ADARB2: variants seen among roughly 807,000 people sequenced by gnomAD.
ADARB2 encodes the protein inactive double-stranded RNA-specific editase B2.
In ADARB2, 25 loss-of-function variants were observed where a neutral mutation model predicts 62.2. That is an observed-to-expected ratio of 0.40 (90% CI 0.29 to 0.56). The LOEUF is 0.56. Ranked by LOEUF, ADARB2 falls within the 20% of genes least tolerant of loss-of-function variation. ADARB2 has a pLI of 0.43. For synonymous variants in ADARB2, 572 were observed against 500.8 expected (o/e 1.14, Z -1.90); for missense variants, 1,071 against 1,077.4 (o/e 0.99, Z 0.08).
At chr10:1,387,324 A>G (rs1346539374) in intron 1 of ADARB2, among the ~76,000 whole-genome samples, 1 of 151,934 alleles carries the variant, frequency 6.6e-6, no homozygotes, top group Non-Finnish European at 1.5e-5. Flanking sequence ...GAAGCAAAAA[A>G]ATTGGCTCCT....
chr10:1,258,752 T>G (rs568466849), intron 4 of ADARB2, among the ~76,000 whole-genome samples: 1 of 152,264 alleles, frequency 6.6e-6, no homozygotes, highest in African/African-American at 2.4e-5. Context: ...AGACATAAAG[T>G]TAACAAGGAT....
intron 1 of ADARB2, among the ~76,000 whole-genome samples, chr10:1,435,405 A>G (rs540603037): frequency 1.4e-4 from 22 of 152,248 alleles, no homozygotes; most frequent in Non-Finnish European, 2.2e-4. Context: ...AAAAGACAGG[A>G]CCATTAACTC....
chr10:1,362,466 G>A (rs1832267084), intron 3 of ADARB2, among the ~76,000 whole-genome samples: 1 of 152,224 alleles, frequency 6.6e-6, no homozygotes, highest in Admixed American at 6.5e-5. Context: ...GAAGGTAATC[G>A]CAGGTTAGAA....
intron 1 of ADARB2, among the ~76,000 whole-genome samples, chr10:1,692,936 C>T (rs1195494832): frequency 2.6e-5 from 4 of 152,162 alleles, no homozygotes; most frequent in African/African-American, 9.7e-5. Context: ...ACAGAGCTGG[C>T]TTTCATAACT....
intron 1 of ADARB2, among the ~76,000 whole-genome samples, chr10:1,523,206 T>A (rs960490657): frequency 6.6e-6 from 1 of 152,234 alleles, no homozygotes; most frequent in African/African-American, 2.4e-5. Context: ...TGAATTTCTG[T>A]TTAATCTGAT....
intron 4 of ADARB2, among the ~76,000 whole-genome samples, chr10:1,258,232 A>C (rs1219596011): frequency 2.6e-5 from 4 of 152,150 alleles, no homozygotes; most frequent in African/African-American, 9.7e-5. Context: ...TTAGCTTGTT[A>C]GGAAGAAACT....
intron 1 of ADARB2, among the ~76,000 whole-genome samples, chr10:1,607,236 C>T (rs1056890785): frequency 2.0e-5 from 3 of 152,214 alleles, no homozygotes; most frequent in Non-Finnish European, 4.4e-5. Flanking sequence ...GCCGAGGTCT[C>T]CGAGGGCTGA....
chr10:1,714,020 T>C (rs1834984056), intron 1 of ADARB2, among the ~76,000 whole-genome samples: 1 of 152,190 alleles, frequency 6.6e-6, no homozygotes, highest in Non-Finnish European at 1.5e-5. Flanking sequence ...TTAAAAGATA[T>C]TTCATTGCTT....
intron 1 of ADARB2, among the ~76,000 whole-genome samples, chr10:1,503,510 G>A (rs1428065861): frequency 6.6e-6 from 1 of 152,088 alleles, no homozygotes; most frequent in Non-Finnish European, 1.5e-5. Context: ...TTTAGCACCT[G>A]TGAGCCCTTC....
intron 1 of ADARB2, among the ~76,000 whole-genome samples, chr10:1,626,634 T>A (rs992067950): frequency 5.3e-5 from 8 of 152,068 alleles, no homozygotes; most frequent in African/African-American, 1.9e-4. Context: ...TCCTCAGTGA[T>A]ATTTCCGGGC....
chr10:1,719,228 T>C (rs1183031663), intron 1 of ADARB2, among the ~76,000 whole-genome samples: 1 of 152,192 alleles, frequency 6.6e-6, no homozygotes, highest in African/African-American at 2.4e-5. Context: ...CCTCCCAAAG[T>C]GCTGGGATTA....
intron 1 of ADARB2, among the ~76,000 whole-genome samples, chr10:1,513,024 T>A (rs533887151): frequency 6.6e-6 from 1 of 152,350 alleles, no homozygotes. Context: ...CTACAGCTGA[T>A]GACATTGCAT....
intron 3 of ADARB2, among the ~76,000 whole-genome samples, chr10:1,272,881 A>G (rs1011091433): frequency 4.6e-5 from 7 of 152,232 alleles, no homozygotes; most frequent in African/African-American, 1.7e-4. Flanking sequence ...GGAGGCAGAG[A>G]TCTGAGACTG....
At chr10:1,463,147 G>A (rs1315519590) in intron 1 of ADARB2, among the ~76,000 whole-genome samples, 1 of 152,128 alleles carries the variant, frequency 6.6e-6, no homozygotes, top group Admixed American at 6.5e-5. Flanking sequence ...TCCACGTGAT[G>A]AGTGGGATTG....
rs780188177 is a variant in ADARB2 at position 1,270,967 on chromosome 10, C to T, written c.1180G>A (p.Val394Ile). 1.7e-5 allele frequency: 28 copies of T among 1,613,946 alleles called. No homozygotes were observed. Among genetic ancestry groups the T allele is most frequent in the Admixed American group, 3.3e-5 (2 of 59,992 alleles). Reference protein sequence around the residue: ...HARHKALAGIVMTKGLDARQA... With the variant: ...HARHKALAGIIMTKGLDARQA... ...AGGAGGTGGCTACCTTTGGTCATGA[C>T]GATTCCTGCCAGCGCTTTATGGCGG... The change falls in exon 4 of 10, where the codon GTC becomes ATC. Residue 394 changes from valine (V) to isoleucine (I), a missense_variant. Coordinates refer to ENST00000381312, the MANE Select transcript of ADARB2 (RefSeq NM_018702.4).
intron 1 of ADARB2, among the ~76,000 whole-genome samples, chr10:1,545,997 A>T (rs1476153954): frequency 2.1e-5 from 3 of 142,422 alleles, no homozygotes; most frequent in Admixed American, 1.4e-4. Flanking sequence ...TCAGGAAATG[A>T]CCCTTAGTCC....
intron 1 of ADARB2, among the ~76,000 whole-genome samples, chr10:1,661,470 T>C (rs1588342956): frequency 6.6e-6 from 1 of 152,216 alleles, no homozygotes; most frequent in East Asian, 1.9e-4. Context: ...CCAGGTTTCT[T>C]TCCTTCATGG....
At chr10:1,697,677 C>T (rs995850499) in intron 1 of ADARB2, among the ~76,000 whole-genome samples, 1 of 152,188 alleles carries the variant, frequency 6.6e-6, no homozygotes, top group Non-Finnish European at 1.5e-5. Context: ...CCACAGGCTC[C>T]CTCTGCATGC....
chr10:1,719,135 T>A (rs1835057638), intron 1 of ADARB2, among the ~76,000 whole-genome samples: 1 of 152,158 alleles, frequency 6.6e-6, no homozygotes, highest in Admixed American at 6.5e-5. Flanking sequence ...GGCTAGTTTT[T>A]GTATTTTCAG....
Sources: gnomAD v4.1 joint callset for allele counts (sites outside exome capture counted in the v4.1 genomes callset) on GRCh38, gnomAD v4.1.1 for gene constraint, MANE v1.5 for transcripts, NCBI Gene and HGNC (gene_info 2026-07-23, HGNC 2026-07-21) for gene names.